PROCR: variants seen among roughly 807,000 people sequenced by gnomAD.
PROCR encodes the protein endothelial protein C receptor.
A neutral mutation model predicts 24.2 loss-of-function variants in PROCR; 22 were observed. The observed-to-expected ratio is 0.91, with a 90% CI of 0.65 to 1.30. The LOEUF (loss-of-function observed/expected upper bound fraction) is 1.30, where lower values mean the gene tolerates loss of function less well. Among genes scored for constraint, PROCR ranks in the 50% most tolerant of loss-of-function variants. The pLI is 0.00. For synonymous variants in PROCR, 137 were observed against 139.2 expected (o/e 0.98, Z 0.11); for missense variants, 288 against 307.7 (o/e 0.94, Z 0.48).
intron 1 of PROCR, among the ~76,000 whole-genome samples, chr20:35,213,248 G>A (rs370380808): frequency 6.6e-6 from 1 of 152,012 alleles, no homozygotes. Context: ...CATGAGAATC[G>A]CTTGAACCAA....
chr20:35,178,960 G>A (rs1244415935), downstream of PROCR, among the ~76,000 whole-genome samples: 4 of 150,988 alleles, frequency 2.6e-5, no homozygotes, highest in African/African-American at 9.7e-5. Flanking sequence ...AGCTGGGCAC[G>A]GTGGCTCATG....
At chr20:35,176,666 T>A in intron 3 of PROCR, 32 bp from the exon 4 acceptor site, 1 of 1,585,668 alleles carries the variant, frequency 6.3e-7, no homozygotes, top group East Asian at 2.3e-5. Context: ...TGGGGGCCTA[T>A]TCTTCGGGCT....
At chr20:35,210,245 A>C (rs1458486285) in intron 1 of PROCR, among the ~76,000 whole-genome samples, 2 of 151,960 alleles carry the variant, frequency 1.3e-5, no homozygotes, top group Non-Finnish European at 2.9e-5. Context: ...AAATAAATAA[A>C]ATTTTTAAAA....
At chr20:35,205,647 A>G (rs2060335624) in intron 1 of PROCR, among the ~76,000 whole-genome samples, 1 of 149,496 alleles carries the variant, frequency 6.7e-6, no homozygotes, top group East Asian at 2.0e-4. Flanking sequence ...GCTACTCGGG[A>G]GGCTGAGGCA....
chr20:35,176,539 A>G, intron 3 of PROCR, 93 bp downstream of exon 3: 3 of 1,599,980 alleles, frequency 1.9e-6, no homozygotes, highest in Admixed American at 1.7e-5. Context: ...TAGAGCAACA[A>G]GAGGCCCACA....
chr20:35,189,302 G>A (rs1213701134), intron 1 of PROCR, among the ~76,000 whole-genome samples: 1 of 151,746 alleles, frequency 6.6e-6, no homozygotes, highest in Non-Finnish European at 1.5e-5. Context: ...CTGGAGGGGT[G>A]TCTGCCTTAT....
intron 1 of PROCR, among the ~76,000 whole-genome samples, chr20:35,204,362 C>T (rs1027123472): frequency 1.4e-5 from 2 of 147,550 alleles, no homozygotes; most frequent in African/African-American, 2.5e-5. Flanking sequence ...CCCTCCCTCC[C>T]TCCTTCCCTC....
chr20:35,171,905 G>C (rs1350300833), upstream of PROCR, among the ~76,000 whole-genome samples: 1 of 152,140 alleles, frequency 6.6e-6, no homozygotes, highest in Admixed American at 6.5e-5. Flanking sequence ...GTCTGGGCAG[G>C]AGGGAGCAAT....
Position 35,172,119 on chromosome 20 carries a change from G to C in PROCR, c.-36G>C. 6.2e-7 allele frequency: 1 copy of C among 1,611,036 alleles called. No individual in the cohort carries two copies. Among genetic ancestry groups the C allele is most frequent in the Non-Finnish European group, 8.5e-7 (1 of 1,177,272 alleles). On this transcript the variant is annotated 5_prime_UTR_variant, in exon 1 of 4. Coordinates refer to ENST00000216968, the MANE Select transcript of PROCR (RefSeq NM_006404.5). ...AGCCAGCGGAGCCCGCAGCCGGCCC[G>C]AGCCAGGAACCCAGGTCCGGAGCCT...
intron 1 of PROCR, among the ~76,000 whole-genome samples, chr20:35,190,723 T>C (rs2086166417): frequency 6.6e-6 from 1 of 152,206 alleles, no homozygotes; most frequent in Non-Finnish European, 1.5e-5. Context: ...AGCAATTCAA[T>C]AATGGAACTG....
At chr20:35,195,820 CAAAAAAAA>C (rs58205912) in intron 1 of PROCR, among the ~76,000 whole-genome samples, 1 of 77,600 alleles carries the variant, frequency 1.3e-5, no homozygotes, top group African/African-American at 4.0e-5. Context: ...GAGTCTGTCT[CAAAAAAAA>C]AAAAAAAAAG....
At chr20:35,186,293 G>C (rs1250939371) in intron 1 of PROCR, among the ~76,000 whole-genome samples, 1 of 152,140 alleles carries the variant, frequency 6.6e-6, no homozygotes, top group Non-Finnish European at 1.5e-5. Flanking sequence ...AGTAGTCCGG[G>C]AGCAGTGGCT....
Position 35,177,250 on chromosome 20 carries a change from A to G in PROCR, c.*437A>G, listed in dbSNP as rs1034879909. 1.9e-6 allele frequency: 2 copies of G among 1,029,212 alleles called. No homozygotes were observed. Among genetic ancestry groups the G allele is most frequent in the Middle Eastern group, 4.8e-4 (1 of 2,068 alleles). 63.8% of individuals were successfully genotyped at this position (1,029,212 alleles called of 1,614,324 possible). A position where few individuals can be genotyped will look rare whatever the true frequency, so the allele number is the denominator to read the frequency against. The stretch of plus-strand genomic sequence containing the variant: ...ACTTGGGATGGGACGCTGATATAAT[A>G]GGGTAGAAAGAAGTAACACGAAGAA... On this transcript the variant is annotated 3_prime_UTR_variant, in exon 4 of 4. Coordinates refer to ENST00000216968, the MANE Select transcript of PROCR (RefSeq NM_006404.5).
At position 35,172,119 on chromosome 20, in the gene PROCR, G is replaced by A. The variant is rs779636230; in HGVS notation, c.-36G>A. On this transcript the variant is annotated 5_prime_UTR_variant, in exon 1 of 4. Transcript: ENST00000216968. ...AGCCAGCGGAGCCCGCAGCCGGCCC[G>A]AGCCAGGAACCCAGGTCCGGAGCCT... The A allele has an allele frequency of 3.4e-5, 54 of 1,611,036 alleles. No homozygotes were observed. In the East Asian group the frequency reaches 4.7e-4, roughly 14 times the overall value.
chr20:35,214,891 C>T lies in PROCR; in HGVS notation c.95-1002C>T, dbSNP rs181319490. Among the ~76,000 whole-genome samples, 15 of 147,356 alleles carry T rather than the reference C, an allele frequency of 1.0e-4. No individual in the cohort carries two copies. The East Asian group carries it at 3.0e-3, about 29-fold the overall frequency. On this transcript the variant is annotated intron_variant, in intron 1 of 1. Transcript: ENST00000634509. Reference sequence around the variant, plus strand: ...CCTTTTCCTTCCTCCAGGCCTTTACCTCCCATTTTCTTTTTCTTTTTTTTT... The same window carrying T: ...CCTTTTCCTTCCTCCAGGCCTTTACTTCCCATTTTCTTTTTCTTTTTTTTT...
At chr20:35,175,824 G>A (rs530439369) in intron 2 of PROCR, among the ~76,000 whole-genome samples, 1 of 151,642 alleles carries the variant, frequency 6.6e-6, no homozygotes, top group Admixed American at 6.6e-5. Context: ...GACCTCAGGC[G>A]ATCCACAAGC....
downstream of PROCR, among the ~76,000 whole-genome samples, chr20:35,178,507 G>GTTTTGTTGTTTTTTTTT (rs1272557859): frequency 2.9e-5 from 1 of 34,372 alleles, no homozygotes; most frequent in African/African-American, 1.8e-4. Flanking sequence ...TCAAGTCTCA[G>GTTTTGTTGTTTTTTTTT]TTTTTTTTTT....
At chr20:35,207,039 A>G (rs1345979235) in intron 1 of PROCR, among the ~76,000 whole-genome samples, 2 of 152,234 alleles carry the variant, frequency 1.3e-5, no homozygotes, top group Non-Finnish European at 2.9e-5. Context: ...ACACTCAACA[A>G]CATGGATGAA....
At chr20:35,203,869 C>A (rs2060328229) in intron 1 of PROCR, among the ~76,000 whole-genome samples, 1 of 151,616 alleles carries the variant, frequency 6.6e-6, no homozygotes, top group African/African-American at 2.4e-5. Flanking sequence ...TAAGCTTCTA[C>A]CTTAAGAAAC....
Sources: allele counts gnomAD v4.1 joint callset (sites outside exome capture counted in the v4.1 genomes callset), GRCh38; gene constraint gnomAD v4.1.1; transcripts MANE v1.5; gene names NCBI Gene and HGNC (gene_info 2026-07-23, HGNC 2026-07-21).